The following MARCHF8 variants were observed in gnomAD, a reference collection of about 807,000 sequenced individuals.
MARCHF8 encodes membrane associated ring-CH-type finger 8.
MARCHF8 carries 40 observed loss-of-function variants against 51.6 expected under a neutral mutation model. The observed-to-expected ratio is 0.77, with a 90% CI of 0.60 to 1.01. The LOEUF is 1.01. Ranked by LOEUF, MARCHF8 falls within the 50% of genes least tolerant of loss-of-function variation. The pLI is 0.00. For synonymous variants in MARCHF8, 263 were observed against 280.3 expected (o/e 0.94, Z 0.62); for missense variants, 685 against 708.6 (o/e 0.97, Z 0.38).
At chr10:45,586,523 G>A (rs377153815) in intron 1 of MARCHF8, among the ~76,000 whole-genome samples, 1 of 152,006 alleles carries the variant, frequency 6.6e-6, no homozygotes. Context: ...AGGTCATACA[G>A]TAAGTGCATG....
At position 45,460,516 on chromosome 10, in the gene MARCHF8, T is replaced by C. The variant is rs142671360; in HGVS notation, c.1269+715A>G. 3.2e-3 allele frequency among the ~76,000 whole-genome samples: 482 copies of C among 152,384 alleles called. 3 individuals carry two copies. Among genetic ancestry groups the C allele is most frequent in the Middle Eastern group, 0.014 (4 of 294 alleles). ...TAGTATTTGATTATGTGACTTATCT[T>C]GCAATTTATATATTAATGTTCTGAG... is the stretch of plus-strand genomic sequence containing the variant. On this transcript the variant is annotated intron_variant, in intron 6 of 7. Transcript: ENST00000453424.
At chr10:45,486,804 C>CT (rs34757159) in intron 3 of MARCHF8, among the ~76,000 whole-genome samples, 2,431 of 94,564 alleles carry the variant, frequency 0.026, 163 homozygotes, top group African/African-American at 0.091. Flanking sequence ...TATTACCCTA[C>CT]TTTTTTTTTT....
chr10:45,542,345 CAAAAAAA>C (rs60776762), intron 1 of MARCHF8, among the ~76,000 whole-genome samples: 5 of 48,980 alleles, frequency 1.0e-4, no homozygotes, highest in East Asian at 6.7e-4. Flanking sequence ...GACTTCGTCT[CAAAAAAA>C]AAAAAAAAAA....
intron 1 of MARCHF8, among the ~76,000 whole-genome samples, chr10:45,555,565 C>T (rs1166481357): frequency 6.6e-6 from 1 of 151,886 alleles, no homozygotes; most frequent in African/African-American, 2.4e-5. Flanking sequence ...CAGTGAGATC[C>T]CATCTCTCCA....
rs961377628 is a variant in MARCHF8, at chr10:45,455,069, C to T, written c.*3170G>A. 1 of 152,252 alleles carries T rather than the reference C, an allele frequency of 6.6e-6. No individual in the cohort carries two copies. Among genetic ancestry groups the T allele is most frequent in the African/African-American group, 2.4e-5 (1 of 41,454 alleles). 9.4% of individuals were successfully genotyped at this position (152,252 alleles called of 1,614,324 possible). On this transcript the variant is annotated 3_prime_UTR_variant, in exon 8 of 8. Transcript: ENST00000453424. Reference sequence around the variant, plus strand: ...TCTCACCCGGTTGGTCCCAGCCCTTCTCCAACCCTGAAGCCCACAGCAGGG... The same window carrying T: ...TCTCACCCGGTTGGTCCCAGCCCTTTTCCAACCCTGAAGCCCACAGCAGGG...
intron 3 of MARCHF8, 102 bp downstream of exon 3, chr10:45,489,265 C>CT (rs1470459206): frequency 1.1e-6 from 1 of 881,882 alleles, no homozygotes; most frequent in Non-Finnish European, 1.8e-6. Context: ...ATCAAGAACT[C>CT]TAACGTCTTT....
At chr10:45,500,803 G>A (rs2043265078) in intron 2 of MARCHF8, among the ~76,000 whole-genome samples, 1 of 151,940 alleles carries the variant, frequency 6.6e-6, no homozygotes, top group African/African-American at 2.4e-5. Context: ...CAAAGTCCTC[G>A]AAGGAGTCCA....
intron 1 of MARCHF8, among the ~76,000 whole-genome samples, chr10:45,547,300 T>A (rs1358593236): frequency 6.6e-6 from 1 of 152,186 alleles, no homozygotes; most frequent in Non-Finnish European, 1.5e-5. Context: ...GCATATTTCA[T>A]TTAAATCTCA....
intron 1 of MARCHF8, among the ~76,000 whole-genome samples, chr10:45,557,043 G>A (rs904899072): frequency 2.0e-5 from 3 of 149,306 alleles, no homozygotes; most frequent in African/African-American, 7.4e-5. Context: ...ACATGGTTGT[G>A]AAACAGATAT....
intron 3 of MARCHF8, among the ~76,000 whole-genome samples, chr10:45,488,582 G>A (rs1002799157): frequency 4.6e-5 from 7 of 152,114 alleles, no homozygotes; most frequent in Non-Finnish European, 8.8e-5. Flanking sequence ...GCAAACTCAC[G>A]ACTGCTCCGG....
chr10:45,584,006 CAAAAAAAAAAA>C lies in MARCHF8; in HGVS notation c.-79+10218_-79+10228del, dbSNP rs67624741. Among the ~76,000 whole-genome samples the C allele has an allele frequency of 5.1e-3, 269 of 53,046 alleles. 3 individuals carry two copies. The highest frequency in any genetic ancestry group is 0.016 in the African/African-American group (208 of 13,094). 34.8% of individuals were successfully genotyped at this position (53,046 alleles called of 152,430 possible). A position where few individuals can be genotyped will look rare whatever the true frequency, so the allele number is the denominator to read the frequency against. ...GGGTGACAGAGCGAGACTTCATTTC[CAAAAAAAAAAA>C]AAAAAAAAAAGGAGGAAAGGAAAGA... On this transcript the variant is annotated intron_variant, in intron 1 of 6. Coordinates refer to the MARCHF8 transcript ENST00000319836.
chr10:45,540,246 A>G (rs948971597), upstream of MARCHF8, among the ~76,000 whole-genome samples: 2 of 152,234 alleles, frequency 1.3e-5, no homozygotes, highest in Non-Finnish European at 2.9e-5. Context: ...TTGCCAAGTC[A>G]ATCCTAAGCC....
intron 1 of MARCHF8, among the ~76,000 whole-genome samples, chr10:45,549,728 T>A (rs1310236631): frequency 6.6e-6 from 1 of 152,222 alleles, no homozygotes. Flanking sequence ...ATGCTGTTAT[T>A]GAGGAAGTAG....
intron 1 of MARCHF8, among the ~76,000 whole-genome samples, chr10:45,555,774 A>C (rs1362560407): frequency 6.6e-6 from 1 of 152,002 alleles, no homozygotes; most frequent in Non-Finnish European, 1.5e-5. Flanking sequence ...AGAAAAAGAA[A>C]AGAGTATGTG....
At chr10:45,586,435 T>C (rs1329024795) in intron 1 of MARCHF8, among the ~76,000 whole-genome samples, 1 of 152,194 alleles carries the variant, frequency 6.6e-6, no homozygotes, top group Non-Finnish European at 1.5e-5. Flanking sequence ...AAGATTATAC[T>C]CTTTCCGGTG....
chr10:45,461,616 G>C (rs1182616870), intron 5 of MARCHF8: 1 of 395,746 alleles, frequency 2.5e-6, no homozygotes, highest in East Asian at 3.7e-5. Flanking sequence ...GGAAAGTCTG[G>C]AGGGCATTTG....
intron 2 of MARCHF8, among the ~76,000 whole-genome samples, chr10:45,532,314 CCTAA>C (rs1180475365): frequency 6.6e-6 from 1 of 152,220 alleles, no homozygotes; most frequent in African/African-American, 2.4e-5. Flanking sequence ...CCCTTCCTGG[CCTAA>C]CTGTTGGACA....
intron 2 of MARCHF8, among the ~76,000 whole-genome samples, chr10:45,499,285 G>C (rs1403867917): frequency 6.6e-6 from 1 of 152,112 alleles, no homozygotes; most frequent in East Asian, 1.9e-4. Context: ...TTTAGAATCA[G>C]ATTATTTGTT....
chr10:45,587,607 A>G (rs2044631967), intron 1 of MARCHF8, among the ~76,000 whole-genome samples: 1 of 152,326 alleles, frequency 6.6e-6, no homozygotes, highest in Middle Eastern at 3.4e-3. Flanking sequence ...TGAAAACACA[A>G]AGGACCTATA....
Sources: gnomAD v4.1 joint callset for allele counts (sites outside exome capture counted in the v4.1 genomes callset) on GRCh38, gnomAD v4.1.1 for gene constraint, MANE v1.5 for transcripts, NCBI Gene and HGNC (gene_info 2026-07-23, HGNC 2026-07-21) for gene names.